DENND4C: variants seen among roughly 807,000 people sequenced by gnomAD.
DENND4C encodes DENN domain containing 4C, also known as DENN domain-containing protein 4C.
A neutral mutation model predicts 203.0 loss-of-function variants in DENND4C; 108 were observed. The ratio of observed to expected loss-of-function variants is 0.53; its 90% confidence interval spans 0.46 to 0.62. The LOEUF (loss-of-function observed/expected upper bound fraction) is 0.62. DENND4C is among the 20% of genes least tolerant of loss of function. The pLI, the probability that DENND4C is intolerant of heterozygous loss-of-function variation, is 0.00. For missense variants in DENND4C, 2,481 were observed against 2,301.2 expected (o/e 1.08, Z -1.60); for synonymous variants, 871 against 792.4 (o/e 1.10, Z -1.67).
chr9:19,368,843 A>G (rs1461420778), intron 30 of DENND4C, among the ~76,000 whole-genome samples: 3 of 152,092 alleles, frequency 2.0e-5, no homozygotes, highest in Non-Finnish European at 4.4e-5. Flanking sequence ...AAGTAAATAC[A>G]ATTTTTACTT....
At chr9:19,235,638 T>C (rs567637465) in intron 1 of DENND4C, among the ~76,000 whole-genome samples, 1 of 118,670 alleles carries the variant, frequency 8.4e-6, no homozygotes, top group African/African-American at 3.0e-5. Flanking sequence ...TGAGACGGAG[T>C]CTCGCTCTGT....
rs1469873140 is a variant in DENND4C at position 19,325,039 on chromosome 9, C to A, written c.1953+532C>A. 3.9e-5 allele frequency among the ~76,000 whole-genome samples: 6 copies of A among 152,200 alleles called. No homozygotes were observed. The Middle Eastern group carries it at 0.014, about 345-fold the overall frequency. ...GCCAGTAAATTTTCTCTTTAAATCT[C>A]ACTTTCGTTTTACAACTATTGAGTT... On this transcript the variant is annotated intron_variant, in intron 13 of 32. Coordinates refer to ENST00000434457, the MANE Select transcript of DENND4C (RefSeq NM_001330640.2).
At chr9:19,234,074 A>G (rs759748005) in intron 1 of DENND4C, among the ~76,000 whole-genome samples, 18 of 152,228 alleles carry the variant, frequency 1.2e-4, no homozygotes, top group Admixed American at 3.9e-4. Context: ...TGTTAATATA[A>G]TTGTCTTTTA....
Position 19,358,016 on chromosome 9 carries a change from T to C in DENND4C, c.5016T>C (p.Ser1672=), listed in dbSNP as rs1228863984. 1 of 1,613,424 alleles carries C rather than the reference T, an allele frequency of 6.2e-7. No individual in the cohort carries two copies. Among genetic ancestry groups the C allele is most frequent in the Non-Finnish European group, 8.5e-7 (1 of 1,179,546 alleles). The stretch of plus-strand genomic sequence containing the variant: ...ATGTCCAAACTATGAAAATTTCATC[T>C]GTGCCTAATAGTTTATCAAAGCGAA... ...SGDVQTMKIS[S]VPNSLSKRNV... is the part of the protein sequence containing the mutation. Residue 1672 remains serine, a synonymous_variant, in exon 28 of 33, where the codon TCT becomes TCC. Coordinates refer to ENST00000434457, the MANE Select transcript of DENND4C (RefSeq NM_001330640.2). This position sits in a 1 kb window ranked among gnomAD's most constrained non-coding sequence, Gnocchi z 4.8.
intron 18 of DENND4C, 66 bp from the exon 19 acceptor site, chr9:19,336,204 T>C (rs972014719): frequency 4.8e-6 from 7 of 1,447,780 alleles, no homozygotes; most frequent in Middle Eastern, 1.9e-4. Context: ...CACACACATA[T>C]ATGTATGTAT....
intron 1 of DENND4C, among the ~76,000 whole-genome samples, chr9:19,231,120 G>C (rs939219668): frequency 6.6e-6 from 1 of 152,222 alleles, no homozygotes; most frequent in Non-Finnish European, 1.5e-5. Context: ...GGGCCCATGA[G>C]AATCGTTTGC....
At chr9:19,261,118 G>C (rs1829244843) in intron 1 of DENND4C, among the ~76,000 whole-genome samples, 1 of 152,018 alleles carries the variant, frequency 6.6e-6, no homozygotes, top group Admixed American at 6.6e-5. Context: ...TAAAGAGACT[G>C]TCCTTTCCTC....
At position 19,346,054 on chromosome 9, in the gene DENND4C, T is replaced by C. The variant is rs533137427; in HGVS notation, c.3285T>C (p.Ser1095=). ...AGCATTTTCCTGAGAGGAGTTGTAG[T>C]TTTAGTTCTGAAAGTCGAGCAGGAA... ...RQKHFPERSC[S]FSSESRAGML... is the part of the protein sequence containing the mutation. Residue 1095 remains serine, a synonymous_variant, in exon 23 of 33, where the codon AGT becomes AGC. Coordinates refer to ENST00000434457, the MANE Select transcript of DENND4C (RefSeq NM_001330640.2). The C allele has an allele frequency of 5.6e-6, 9 of 1,614,130 alleles. No individual in the cohort carries two copies. In the East Asian group the frequency reaches 1.8e-4, roughly 32 times the overall value.
At chr9:19,301,581 G>T (rs553985747) in intron 9 of DENND4C, among the ~76,000 whole-genome samples, 1 of 152,294 alleles carries the variant, frequency 6.6e-6, no homozygotes, top group African/African-American at 2.4e-5. Flanking sequence ...TCACAGTTGT[G>T]TGTGAAAGCA....
At chr9:19,368,844 A>G (rs755711986) in intron 30 of DENND4C, among the ~76,000 whole-genome samples, 37 of 152,070 alleles carry the variant, frequency 2.4e-4, no homozygotes, top group Non-Finnish European at 4.9e-4. Flanking sequence ...AGTAAATACA[A>G]TTTTTACTTA....
At chr9:19,265,315 C>T (rs948572705) in intron 1 of DENND4C, among the ~76,000 whole-genome samples, 1 of 152,072 alleles carries the variant, frequency 6.6e-6, no homozygotes, top group Admixed American at 6.6e-5. Context: ...CTGTGCTCGG[C>T]CAATTTTTTA....
chr9:19,276,164 C>G lies in DENND4C; in HGVS notation c.-11C>G. The G allele has an allele frequency of 3.3e-6, 4 of 1,230,628 alleles. No homozygotes were observed. In the South Asian group the frequency reaches 1.2e-4, roughly 38 times the overall value. 76.2% of individuals were successfully genotyped at this position (1,230,628 alleles called of 1,614,324 possible). ...TTTCCCCTCCCTCTTCTAGAAAATA[C>G]AGTAGCAGCCATGATAGAAGACAAA... is the stretch of plus-strand genomic sequence containing the variant. On this transcript the variant is annotated 5_prime_UTR_variant, in exon 2 of 33. Coordinates refer to ENST00000434457, the MANE Select transcript of DENND4C (RefSeq NM_001330640.2).
chr9:19,352,059 A>G lies in DENND4C; in HGVS notation c.4496-14A>G, dbSNP rs73648909. On this transcript the variant is annotated splice_polypyrimidine_tract_variant and intron_variant, in intron 24 of 32. Coordinates refer to ENST00000434457, the MANE Select transcript of DENND4C (RefSeq NM_001330640.2). ...TTCCTTACTTAAGGTATTACGATGT[A>G]TATTCCTTTGTAGGTGAAGTTCCAT... 176 of 1,595,390 alleles carry G rather than the reference A, an allele frequency of 1.1e-4. No homozygotes were observed. Among genetic ancestry groups the G allele is most frequent in the Non-Finnish European group, 1.4e-4 (163 of 1,163,234 alleles).
intron 10 of DENND4C, among the ~76,000 whole-genome samples, chr9:19,313,124 A>T (rs565838615): frequency 1.3e-5 from 2 of 152,172 alleles, no homozygotes; most frequent in South Asian, 4.2e-4. Context: ...ATGTTATATT[A>T]TGTGTGTCTA....
At chr9:19,364,818 C>A (rs1389066820) in intron 30 of DENND4C, among the ~76,000 whole-genome samples, 1 of 152,058 alleles carries the variant, frequency 6.6e-6, no homozygotes, top group Admixed American at 6.5e-5. Context: ...TCAGGGAGGC[C>A]TGGGAGGCGG....
In DENND4C at chr9:19,309,969, G is replaced by C. The variant is rs770869094; in HGVS notation, c.1487+4442G>C. On this transcript the variant is annotated intron_variant, in intron 10 of 32. Transcript: ENST00000434457. ...TCATTGGTCTTTTCAGAATTTTTTG[G>C]TGAACTTTGTGTTTTCTCCAGAAAG... is the stretch of plus-strand genomic sequence containing the variant. Among the ~76,000 whole-genome samples, 14 of 151,970 alleles carry C rather than the reference G, an allele frequency of 9.2e-5. 1 individual carries two copies. Among genetic ancestry groups the C allele is most frequent in the African/African-American group, 3.4e-4 (14 of 41,390 alleles).
At chr9:19,299,061 A>G (rs941022516) in intron 7 of DENND4C, among the ~76,000 whole-genome samples, 168 bp from the exon 8 acceptor site, 1 of 152,144 alleles carries the variant, frequency 6.6e-6, no homozygotes, top group African/African-American at 2.4e-5. Flanking sequence ...TACAGCTATC[A>G]TTTTATATTT....
At chr9:19,362,238 C>T (rs1826654725) in intron 30 of DENND4C, among the ~76,000 whole-genome samples, 1 of 152,164 alleles carries the variant, frequency 6.6e-6, no homozygotes, top group African/African-American at 2.4e-5. Context: ...CATGCCACTG[C>T]ACTCCAGCCT....
intron 2 of DENND4C, among the ~76,000 whole-genome samples, chr9:19,281,629 A>T (rs952696669): frequency 2.6e-5 from 4 of 152,228 alleles, no homozygotes; most frequent in Admixed American, 2.6e-4. Context: ...AAAATCTGAT[A>T]TTCCCATAGA....
Sources: allele counts gnomAD v4.1 joint callset (sites outside exome capture counted in the v4.1 genomes callset), GRCh38; gene constraint gnomAD v4.1.1; non-coding constraint Gnocchi (gnomAD v3.1); transcripts MANE v1.5; gene names NCBI Gene and HGNC (gene_info 2026-07-23, HGNC 2026-07-21).